STPG2: variants seen among roughly 807,000 people sequenced by gnomAD.
STPG2 encodes the protein sperm tail PG-rich repeat containing 2, also known as sperm-tail PG-rich repeat-containing protein 2.
STPG2 carries 56 observed loss-of-function variants against 54.2 expected under a neutral mutation model. The ratio of observed to expected loss-of-function variants is 1.03; its 90% confidence interval spans 0.83 to 1.29. STPG2 has a LOEUF of 1.29. STPG2 is among the 50% of genes most tolerant of loss of function. The pLI is 0.00. For missense variants in STPG2, 596 were observed against 544.9 expected (o/e 1.09, Z -0.93); for synonymous variants, 200 against 181.8 (o/e 1.10, Z -0.81).
At chr4:98,047,705 C>T (rs533021379) in intron 5 of STPG2, among the ~76,000 whole-genome samples, 4 of 152,188 alleles carry the variant, frequency 2.6e-5, no homozygotes, top group South Asian at 4.2e-4. Flanking sequence ...AAGCTGAAGA[C>T]CTGGTTTTAT....
chr4:97,451,807 C>G (rs1729372449), intron 4 of STPG2, among the ~76,000 whole-genome samples: 1 of 152,160 alleles, frequency 6.6e-6, no homozygotes, highest in East Asian at 1.9e-4. Context: ...ATCAATAATT[C>G]TTCCTACTCA....
intron 4 of STPG2, among the ~76,000 whole-genome samples, chr4:97,490,369 T>C (rs1213421620): frequency 1.3e-5 from 2 of 151,554 alleles, no homozygotes; most frequent in Admixed American, 6.6e-5. Context: ...TCTTCAGCCA[T>C]TGGCAATATT....
chr4:98,021,169 T>C (rs1560640256), intron 5 of STPG2, among the ~76,000 whole-genome samples: 1 of 143,866 alleles, frequency 7.0e-6, no homozygotes, highest in Admixed American at 6.9e-5. Context: ...GCTATAAATT[T>C]CCCTCTACAC....
intron 5 of STPG2, among the ~76,000 whole-genome samples, chr4:98,031,838 A>G (rs1024874267): frequency 4.6e-5 from 7 of 152,234 alleles, no homozygotes; most frequent in Non-Finnish European, 7.3e-5. Context: ...ACTAATATGC[A>G]GAATCTACAA....
rs574891187 is a variant in STPG2 at position 97,766,277 on chromosome 4, G to A, written c.1205-53463C>T. Among the ~76,000 whole-genome samples, 4 of 152,064 alleles carry A rather than the reference G, an allele frequency of 2.6e-5. No homozygotes were observed. The South Asian group carries it at 6.2e-4, about 24-fold the overall frequency. On this transcript the variant is annotated intron_variant, in intron 9 of 10. Coordinates refer to ENST00000295268, the MANE Select transcript of STPG2 (RefSeq NM_174952.3). Reference sequence around the variant, plus strand: ...CCATTGTGAATAGTAATTGGCAAACGGAGGAAAGGATTTCTTTTTAAGTCA... The same window carrying A: ...CCATTGTGAATAGTAATTGGCAAACAGAGGAAAGGATTTCTTTTTAAGTCA...
intron 3 of STPG2, among the ~76,000 whole-genome samples, chr4:98,112,770 G>C (rs1326435515): frequency 6.6e-6 from 1 of 152,038 alleles, no homozygotes; most frequent in African/African-American, 2.4e-5. Flanking sequence ...TGTCCAAGTA[G>C]AATTCAGACA....
intron 5 of STPG2, among the ~76,000 whole-genome samples, chr4:97,987,851 A>G (rs2149267221): frequency 6.6e-6 from 1 of 152,108 alleles, no homozygotes; most frequent in African/African-American, 2.4e-5. Flanking sequence ...AATTATTTTA[A>G]AAGTCCCCTA....
At chr4:97,601,963 C>A (rs1733473635) in intron 10 of STPG2, among the ~76,000 whole-genome samples, 2 of 150,742 alleles carry the variant, frequency 1.3e-5, no homozygotes, top group South Asian at 2.1e-4. Context: ...GTTTATACTT[C>A]TTTTGTTAGA....
At chr4:98,060,094 A>G (rs753564205) in intron 5 of STPG2, among the ~76,000 whole-genome samples, 3 of 152,224 alleles carry the variant, frequency 2.0e-5, no homozygotes, top group Non-Finnish European at 2.9e-5. Context: ...AATAGAGGGC[A>G]TCCTCTCTTC....
rs181886225 is a variant in STPG2, at chr4:97,747,467, C to T, written c.1205-34653G>A. Among the ~76,000 whole-genome samples the T allele has an allele frequency of 4.6e-5, 7 of 151,424 alleles. 1 individual carries two copies. In the East Asian group the frequency reaches 9.7e-4, roughly 21 times the overall value. On this transcript the variant is annotated intron_variant, in intron 9 of 10. Transcript: ENST00000295268. ...AAGACATACAATTTAATTTCTGTCC[C>T]AATTTTTTTGGTTGTGTGCCTTCCT...
intron 4 of STPG2, among the ~76,000 whole-genome samples, chr4:97,516,941 T>C (rs1731088061): frequency 6.6e-6 from 1 of 151,946 alleles, no homozygotes; most frequent in South Asian, 2.1e-4. Flanking sequence ...TGAGTCTTAC[T>C]CTGTTGCCAA....
intron 10 of STPG2, among the ~76,000 whole-genome samples, chr4:97,604,616 G>C (rs1311877973): frequency 6.6e-6 from 1 of 151,568 alleles, no homozygotes; most frequent in East Asian, 1.9e-4. Context: ...ATCTTTACCG[G>C]TTCTCTCTAG....
intron 9 of STPG2, among the ~76,000 whole-genome samples, chr4:97,827,970 CA>C (rs1728316062): frequency 6.6e-6 from 1 of 152,136 alleles, no homozygotes; most frequent in African/African-American, 2.4e-5. Context: ...TTTAAGGGTA[CA>C]AACCCATGAC....
intron 4 of STPG2, among the ~76,000 whole-genome samples, chr4:97,464,833 C>A (rs1560620242): frequency 6.6e-6 from 1 of 152,130 alleles, no homozygotes; most frequent in South Asian, 2.1e-4. Context: ...TATCAACAGT[C>A]ATAAAAGATC....
At chr4:97,491,706 G>A (rs1730507552) in intron 4 of STPG2, among the ~76,000 whole-genome samples, 1 of 151,510 alleles carries the variant, frequency 6.6e-6, no homozygotes, top group African/African-American at 2.4e-5. Flanking sequence ...AAAGAGTGGT[G>A]CAAGTGTAAG....
At chr4:97,618,621 A>G (rs1328095167) in intron 10 of STPG2, among the ~76,000 whole-genome samples, 1 of 152,176 alleles carries the variant, frequency 6.6e-6, no homozygotes, top group African/African-American at 2.4e-5. Context: ...ACATTTTAAT[A>G]TCATCTGAAG....
At chr4:97,676,369 A>G (rs528482860) in intron 10 of STPG2, among the ~76,000 whole-genome samples, 22 of 151,932 alleles carry the variant, frequency 1.4e-4, no homozygotes, top group African/African-American at 5.3e-4. Context: ...CTGAAAATCC[A>G]TCCTGGAGTT....
chr4:97,784,602 A>G (rs535610867), intron 9 of STPG2, among the ~76,000 whole-genome samples: 49 of 152,194 alleles, frequency 3.2e-4, no homozygotes, highest in African/African-American at 1.1e-3. Flanking sequence ...AAAGTAGAAA[A>G]GTATAGTTCT....
At chr4:97,764,341 A>C (rs753922638) in intron 9 of STPG2, among the ~76,000 whole-genome samples, 1 of 152,106 alleles carries the variant, frequency 6.6e-6, no homozygotes, top group Non-Finnish European at 1.5e-5. Context: ...CAATTAGAAA[A>C]TATTTGTATA....
Sources: allele counts gnomAD v4.1 joint callset (sites outside exome capture counted in the v4.1 genomes callset), GRCh38; gene constraint gnomAD v4.1.1; transcripts MANE v1.5; gene names NCBI Gene and HGNC (gene_info 2026-07-23, HGNC 2026-07-21).